The following DACH2 variants were observed in gnomAD, a reference collection of about 807,000 sequenced individuals.
DACH2 encodes the protein dachshund homolog 2.
In DACH2, 17 loss-of-function variants were observed where a neutral mutation model predicts 35.8. The ratio of observed to expected loss-of-function variants is 0.48; its 90% CI spans 0.33 to 0.71. The LOEUF is 0.71. DACH2 is among the 30% of genes least tolerant of loss of function. The probability of loss-of-function intolerance (pLI) is 0.02; values close to 1 mark genes in which losing one functional copy is unlikely to be tolerated. For missense variants in DACH2, 469 were observed against 472.7 expected, an observed-to-expected ratio of 0.99 and a Z score of 0.07; for synonymous variants, 195 against 177.3, an observed-to-expected ratio of 1.10 and a Z score of -0.79.
At chrX:86,777,950 G>A (rs150633568) in intron 7 of DACH2, among the ~76,000 whole-genome samples, 6,910 of 111,166 alleles carry the variant, frequency 0.062, 504 homozygotes, top group African/African-American at 0.21. Flanking sequence ...AAAAAAATAT[G>A]GATTTGAGTA....
At chrX:86,665,760 A>G (rs2040660544) in intron 4 of DACH2, among the ~76,000 whole-genome samples, 1 of 68,358 alleles carries the variant, frequency 1.5e-5, no homozygotes, top group Non-Finnish European at 2.7e-5. Flanking sequence ...ATTTAAAATT[A>G]TATATTACTT....
chrX:86,638,031 C>T (rs1257786664), intron 3 of DACH2, among the ~76,000 whole-genome samples: 4 of 101,106 alleles, frequency 4.0e-5, no homozygotes, highest in Non-Finnish European at 6.3e-5. Flanking sequence ...GGTACACTAA[C>T]GAAAACAATA....
intron 6 of DACH2, among the ~76,000 whole-genome samples, chrX:86,721,172 T>A (rs1054691641): frequency 8.9e-6 from 1 of 112,507 alleles, no homozygotes; most frequent in African/African-American, 3.2e-5. Flanking sequence ...TTTTCCCCAT[T>A]GTCTTGGTGA....
At chrX:86,324,571 C>CTTTTTTTT (rs56918891) in intron 1 of DACH2, among the ~76,000 whole-genome samples, 6 of 40,650 alleles carry the variant, frequency 1.5e-4, no homozygotes, top group East Asian at 1.0e-3. Context: ...TCACTGTTGT[C>CTTTTTTTT]TTTTTTTTTT....
intron 2 of DACH2, among the ~76,000 whole-genome samples, chrX:86,466,827 C>T (rs1176654751): frequency 1.8e-5 from 2 of 111,260 alleles, no homozygotes; most frequent in African/African-American, 6.5e-5. Context: ...CCCTCTGAAG[C>T]CACGTCCCCA....
chrX:86,625,690 A>G lies in DACH2; in HGVS notation c.641-25346A>G, dbSNP rs2040127770. 2.7e-5 allele frequency among the ~76,000 whole-genome samples: 3 copies of G among 111,437 alleles called. No individual in the cohort carries two copies. The Admixed American group carries it at 2.9e-4, about 11-fold the overall frequency. On this transcript the variant is annotated intron_variant, in intron 3 of 11. Coordinates refer to ENST00000373125, the MANE Select transcript of DACH2 (RefSeq NM_053281.3). ...TAGGGAGGCCTCACCATTATGGAAG[A>G]AGGCAAATTAGGAGCAAAGTCACCT...
chrX:86,311,011 C>T (rs972260728), intron 1 of DACH2, among the ~76,000 whole-genome samples: 1 of 111,513 alleles, frequency 9.0e-6, no homozygotes, highest in South Asian at 3.8e-4. Context: ...GCTGACCTTG[C>T]TATGGCCACT....
intron 2 of DACH2, among the ~76,000 whole-genome samples, chrX:86,459,362 A>G (rs991447511): frequency 2.7e-5 from 3 of 111,732 alleles, no homozygotes; most frequent in Admixed American, 9.6e-5. Flanking sequence ...TACTTTTGCA[A>G]GAACTTTGTT....
rs186480557 is a variant in DACH2 at position 86,423,254 on chromosome X, A to G, written c.527+46392A>G. Among the ~76,000 whole-genome samples the G allele has an allele frequency of 2.7e-5, 3 of 111,143 alleles. No individual in the cohort carries two copies. The East Asian group carries it at 8.5e-4, about 32-fold the overall frequency. On this transcript the variant is annotated intron_variant, in intron 2 of 11. Transcript: ENST00000373125. ...TTGAGGAACCTCCAAACTGTTCTCCACAGTGGTTGTACTAATTTACACTCC... is the reference window on the plus strand; with the variant it reads ...TTGAGGAACCTCCAAACTGTTCTCCGCAGTGGTTGTACTAATTTACACTCC...
intron 3 of DACH2, among the ~76,000 whole-genome samples, chrX:86,644,449 T>C (rs1272355258): frequency 9.3e-6 from 1 of 107,871 alleles, no homozygotes; most frequent in Non-Finnish European, 1.9e-5. Context: ...AAAACATTCC[T>C]TGCCCATGGA....
intron 1 of DACH2, among the ~76,000 whole-genome samples, chrX:86,242,419 C>T (rs1040598820): frequency 8.9e-6 from 1 of 112,058 alleles, no homozygotes; most frequent in African/African-American, 3.2e-5. Context: ...CCAATTTCTC[C>T]GTTTTGGAAT....
intron 1 of DACH2, among the ~76,000 whole-genome samples, chrX:86,275,479 A>G (rs2033900654): frequency 9.0e-6 from 1 of 111,657 alleles, no homozygotes. Flanking sequence ...ATCCAAGCAT[A>G]CAATGTGAAA....
chrX:86,287,637 G>A (rs1343910084), intron 1 of DACH2, among the ~76,000 whole-genome samples: 1 of 111,657 alleles, frequency 9.0e-6, no homozygotes, highest in Non-Finnish European at 1.9e-5. Flanking sequence ...TCAAGCTCAT[G>A]AATTTATTCT....
chrX:86,279,344 G>A (rs2033980088), intron 1 of DACH2, among the ~76,000 whole-genome samples: 1 of 112,048 alleles, frequency 8.9e-6, no homozygotes, highest in South Asian at 3.7e-4. Flanking sequence ...TCCAGAGGAA[G>A]GAACAGGCAG....
chrX:86,524,624 TCA>T (rs1161718705), intron 3 of DACH2, among the ~76,000 whole-genome samples: 1 of 112,118 alleles, frequency 8.9e-6, no homozygotes, highest in African/African-American at 3.2e-5. Flanking sequence ...TAGCTGAATC[TCA>T]GTTTCCCAAA....
intron 1 of DACH2, among the ~76,000 whole-genome samples, chrX:86,232,676 TAAAC>T (rs759770738): frequency 9.0e-6 from 1 of 111,361 alleles, no homozygotes; most frequent in Non-Finnish European, 1.9e-5. Context: ...ACTTAAAAAG[TAAAC>T]AAACAAACAA....
chrX:86,520,242 G>A (rs2038532972), intron 3 of DACH2, among the ~76,000 whole-genome samples: 1 of 111,537 alleles, frequency 9.0e-6, no homozygotes, highest in South Asian at 3.7e-4. Context: ...CTTCACTTCT[G>A]TTTTTATTGT....
intron 1 of DACH2, among the ~76,000 whole-genome samples, chrX:86,231,701 T>G (rs897971023): frequency 8.9e-6 from 1 of 112,383 alleles, no homozygotes; most frequent in Non-Finnish European, 1.9e-5. Flanking sequence ...GTTCTTCCCC[T>G]GCCTGTGAAG....
At chrX:86,744,235 C>A (rs2147264519) in intron 7 of DACH2, among the ~76,000 whole-genome samples, 1 of 111,134 alleles carries the variant, frequency 9.0e-6, no homozygotes, top group South Asian at 3.8e-4. Flanking sequence ...GGTCACATAT[C>A]CTGATGAGGA....
Sources: allele counts gnomAD v4.1 joint callset (sites outside exome capture counted in the v4.1 genomes callset), GRCh38; gene constraint gnomAD v4.1.1; transcripts MANE v1.5; gene names NCBI Gene and HGNC (gene_info 2026-07-23, HGNC 2026-07-21).